Variants in GAGE1 observed in about 807,000 individuals in gnomAD.
The protein encoded by GAGE1 is G antigen 4.
A neutral mutation model predicts 5.0 loss-of-function variants in GAGE1; 5 were observed. The observed-to-expected ratio is 1.00, with a 90% CI of 0.52 to 2.11. GAGE1 has a LOEUF of 2.11. GAGE1 is among the 30% of genes most tolerant of loss of function. The probability of loss-of-function intolerance (pLI) is 0.01; values close to 1 mark genes in which losing one functional copy is unlikely to be tolerated. For synonymous variants in GAGE1, 6 were observed against 14.8 expected, an observed-to-expected ratio of 0.40 and a Z score of 1.37; for missense variants, 9 against 38.9, an observed-to-expected ratio of 0.23 and a Z score of 2.04.
At chrX:49,605,312 C>T (rs1420649505) in intron 4 of GAGE1, among the ~76,000 whole-genome samples, 1 of 112,118 alleles carries the variant, frequency 8.9e-6, no homozygotes, top group East Asian at 2.8e-4. Context: ...GCTTTAGAGA[C>T]ATGAATTGAT....
intron 4 of GAGE1, among the ~76,000 whole-genome samples, chrX:49,604,714 A>G (rs1190001851): frequency 1.8e-5 from 2 of 112,290 alleles, no homozygotes; most frequent in African/African-American, 6.5e-5. Flanking sequence ...TTAGTAAGAA[A>G]GTGAGGGGGC....
intron 4 of GAGE1, 106 bp from the exon 5 acceptor site, chrX:49,605,887 A>T: frequency 2.0e-6 from 1 of 501,168 alleles, no homozygotes; most frequent in Non-Finnish European, 2.7e-6. Context: ...CAGCCTGGGC[A>T]ACAGAGTGAG....
At chrX:49,604,668 G>C (rs781954645) in intron 4 of GAGE1, among the ~76,000 whole-genome samples, 2 of 112,338 alleles carry the variant, frequency 1.8e-5, no homozygotes, top group African/African-American at 6.5e-5. Context: ...ACCCTGGCCC[G>C]AGTCATCTGA....
At position 49,608,529 on chromosome X, in the gene GAGE1, G is replaced by A. The variant is rs1347850742; in HGVS notation, c.*2514G>A. 1 of 111,067 alleles carries A rather than the reference G, an allele frequency of 9.0e-6. No homozygotes were observed. Among genetic ancestry groups the A allele is most frequent in the Non-Finnish European group, 1.9e-5 (1 of 53,052 alleles). 9.2% of individuals were successfully genotyped at this position (111,067 alleles called of 1,213,427 possible). On this transcript the variant is annotated 3_prime_UTR_variant, in exon 5 of 5. Transcript: ENST00000381700. ...TCTAAGTTCTCCCAATAAATGCTTT[G>A]GACTGATCACCCTGGTGTTTAATGT...
intron 3 of GAGE1, among the ~76,000 whole-genome samples, chrX:49,602,589 T>C (rs1370025619): frequency 2.5e-4 from 21 of 84,481 alleles, no homozygotes; most frequent in African/African-American, 7.2e-4. Flanking sequence ...CACATACGGA[T>C]ATATGTTTAC....
Position 49,606,140 on chromosome X carries a change from T to A in GAGE1, c.*125T>A. On this transcript the variant is annotated 3_prime_UTR_variant, in exon 5 of 5. Transcript: ENST00000381700. ...GTGAATCTTTTGTCAATTTTATTTC[T>A]AGCTATTTGATGCTGTGAAATGTTT... is the stretch of plus-strand genomic sequence containing the variant. 1 of 388,376 alleles carries A rather than the reference T, an allele frequency of 2.6e-6. No individual in the cohort carries two copies. Among genetic ancestry groups the A allele is most frequent in the Non-Finnish European group, 4.2e-6 (1 of 237,812 alleles). The allele number at this position is 388,376 out of a possible 1,213,427, so 32.0% of individuals were successfully genotyped here. A position where few individuals can be genotyped will look rare whatever the true frequency, so the allele number is the denominator to read the frequency against.
chrX:49,605,092 T>C, intron 4 of GAGE1: 5 of 1,018,534 alleles, frequency 4.9e-6, no homozygotes, highest in Non-Finnish European at 6.5e-6. Context: ...CTTGAGTGAC[T>C]GAAATATCAA....
intron 4 of GAGE1, 62 bp from the exon 5 acceptor site, chrX:49,605,931 A>T: frequency 1.7e-6 from 1 of 587,751 alleles, no homozygotes; most frequent in Admixed American, 5.1e-5. Flanking sequence ...AATAATAATA[A>T]TAATAATAAT....
At chrX:49,605,097 T>C in intron 4 of GAGE1, 1 of 1,016,846 alleles carries the variant, frequency 9.8e-7, no homozygotes, top group Non-Finnish European at 1.3e-6. Context: ...GTGACTGAAA[T>C]ATCAAATGGC....
In GAGE1 at chrX:49,606,097, C is replaced by T; in HGVS notation, c.*82C>T. 1 of 589,154 alleles carries T rather than the reference C, an allele frequency of 1.7e-6. No homozygotes were observed. Among genetic ancestry groups the T allele is most frequent in the Non-Finnish European group, 2.5e-6 (1 of 402,473 alleles). The allele number at this position is 589,154 out of a possible 1,213,427, so 48.6% of individuals were successfully genotyped here. A position where few individuals can be genotyped will look rare whatever the true frequency, so the allele number is the denominator to read the frequency against. On this transcript the variant is annotated 3_prime_UTR_variant, in exon 5 of 5. Transcript: ENST00000381700. ...AGTTCTCCCAATAAAGCTTTACAGCCTTCTGCAAAGAAGTCTTGTGAATCT... is the reference window on the plus strand; with the variant it reads ...AGTTCTCCCAATAAAGCTTTACAGCTTTCTGCAAAGAAGTCTTGTGAATCT...
At chrX:49,604,643 A>G (rs1177429636) in intron 4 of GAGE1, among the ~76,000 whole-genome samples, 2 of 112,434 alleles carry the variant, frequency 1.8e-5, no homozygotes, top group Non-Finnish European at 3.8e-5. Flanking sequence ...TGGTTTGTTA[A>G]TCACAAATCA....
intron 4 of GAGE1, chrX:49,605,236 T>G (rs1345368883): frequency 2.8e-6 from 2 of 705,718 alleles, no homozygotes; most frequent in African/African-American, 4.2e-5. Context: ...CTATTTCTAA[T>G]AAGACTGTAG....
chrX:49,604,595 C>G (rs1456140008), intron 4 of GAGE1, among the ~76,000 whole-genome samples: 1 of 112,151 alleles, frequency 8.9e-6, no homozygotes, highest in Non-Finnish European at 1.9e-5. Context: ...GATCCTGTTG[C>G]ATAGAATGCG....
At chrX:49,605,005 G>T (rs112813503) in intron 4 of GAGE1, 6 of 980,719 alleles carry the variant, frequency 6.1e-6, no homozygotes, top group African/African-American at 5.9e-5. Context: ...TAGAGATGAG[G>T]TCTCACTATG....
chrX:49,604,579 T>C (rs782181221), intron 4 of GAGE1, among the ~76,000 whole-genome samples: 1 of 112,425 alleles, frequency 8.9e-6, no homozygotes, highest in East Asian at 2.8e-4. Context: ...GGTTCTTTCA[T>C]ACTCTGATCC....
chrX:49,604,007 C>T lies in GAGE1; in HGVS notation c.331+214C>T, dbSNP rs185728911. The stretch of plus-strand genomic sequence containing the variant: ...AGCCGGGGTTACAGGCGTGCTCCGC[C>T]GTGCCCAGCTAATTGTTGTATTTTT... On this transcript the variant is annotated intron_variant, in intron 4 of 4. Transcript: ENST00000381700. Among the ~76,000 whole-genome samples the T allele has an allele frequency of 5.1e-4, 57 of 112,812 alleles. 1 individual carries two copies. Among genetic ancestry groups the T allele is most frequent in the African/African-American group, 1.6e-3 (51 of 31,141 alleles).
intron 4 of GAGE1, among the ~76,000 whole-genome samples, chrX:49,604,329 C>T (rs1158766520): frequency 1.8e-5 from 2 of 112,444 alleles, no homozygotes; most frequent in African/African-American, 6.5e-5. Flanking sequence ...TATAAATCCT[C>T]AAACCAGTAG....
In GAGE1 at chrX:49,608,465, G is replaced by A. The variant is rs946944674; in HGVS notation, c.*2450G>A. 9.8e-5 allele frequency: 11 copies of A among 111,723 alleles called. No individual in the cohort carries two copies. The highest frequency in any genetic ancestry group is 3.6e-4 in the African/African-American group (11 of 30,777). 9.2% of individuals were successfully genotyped at this position (111,723 alleles called of 1,213,427 possible). A position where few individuals can be genotyped will look rare whatever the true frequency, so the allele number is the denominator to read the frequency against. On this transcript the variant is annotated 3_prime_UTR_variant, in exon 5 of 5. Transcript: ENST00000381700. ...CCTCAGTGCGGATATACCTAGGCAT[G>A]ACATTCTTGTTGCCTGTTGCGAGGA...
intron 4 of GAGE1, chrX:49,605,025 C>G (rs782438343): frequency 9.8e-6 from 10 of 1,015,814 alleles, no homozygotes; most frequent in South Asian, 9.2e-5. Context: ...GTTGCCCAGA[C>G]TGGGATTCTC....
Sources: allele counts gnomAD v4.1 joint callset (sites outside exome capture counted in the v4.1 genomes callset), GRCh38; gene constraint gnomAD v4.1.1; transcripts MANE v1.5; gene names NCBI Gene and HGNC (gene_info 2026-07-23, HGNC 2026-07-21).